The following MACO1 variants were observed in gnomAD, a reference collection of about 807,000 sequenced individuals.
MACO1 encodes macoilin 1.
In MACO1, 14 loss-of-function variants were observed where a neutral mutation model predicts 78.7. The observed-to-expected ratio is 0.18, with a 90% CI of 0.12 to 0.28. The LOEUF (loss-of-function observed/expected upper bound fraction) is 0.28, where lower values mean the gene tolerates loss of function less well. MACO1 is among the 10% of genes least tolerant of loss of function. The probability of loss-of-function intolerance (pLI) is 1.00; values close to 1 mark genes in which losing one functional copy is unlikely to be tolerated. For synonymous variants in MACO1, 288 were observed against 291.6 expected (o/e 0.99, Z 0.12); for missense variants, 501 against 799.0 (o/e 0.63, Z 4.50).
intron 6 of MACO1, among the ~76,000 whole-genome samples, chr1:25,459,211 C>G (rs188894969): frequency 1.8e-4 from 27 of 152,106 alleles, no homozygotes; most frequent in African/African-American, 6.3e-4. Context: ...CCAGAGTTCT[C>G]TTGGCGTAAA....
intron 1 of MACO1, among the ~76,000 whole-genome samples, chr1:25,441,370 A>T (rs1258328872): frequency 6.6e-6 from 1 of 152,096 alleles, no homozygotes; most frequent in African/African-American, 2.4e-5. Flanking sequence ...TTTTTAGTAG[A>T]GACGGGGTTT....
chr1:25,467,802 G>GT (rs1199591374), intron 6 of MACO1, among the ~76,000 whole-genome samples: 1 of 146,020 alleles, frequency 6.8e-6, no homozygotes, highest in Non-Finnish European at 1.5e-5. Flanking sequence ...GAACTCTGTT[G>GT]TTTTTCATTT....
chr1:25,491,885 T>G (rs2043489299), intron 10 of MACO1, among the ~76,000 whole-genome samples: 1 of 152,178 alleles, frequency 6.6e-6, no homozygotes, highest in South Asian at 2.1e-4. Context: ...TGCTTAGGTA[T>G]AAGTATATAC....
At chr1:25,444,239 A>T (rs2042996361) in intron 1 of MACO1, among the ~76,000 whole-genome samples, 1 of 151,944 alleles carries the variant, frequency 6.6e-6, no homozygotes, top group South Asian at 2.1e-4. Flanking sequence ...AGCCTGGGTG[A>T]TAGAGTGAAA....
intron 6 of MACO1, among the ~76,000 whole-genome samples, chr1:25,476,633 C>T (rs2043323627): frequency 6.6e-6 from 1 of 152,192 alleles, no homozygotes; most frequent in African/African-American, 2.4e-5. Context: ...GAGGACAGAG[C>T]TTTGATTTAT....
intron 6 of MACO1, among the ~76,000 whole-genome samples, chr1:25,475,030 T>C (rs1408708948): frequency 6.6e-6 from 1 of 152,118 alleles, no homozygotes; most frequent in Non-Finnish European, 1.5e-5. Flanking sequence ...GAATAGGAAG[T>C]AGTTGAGGTA....
At chr1:25,490,344 C>T (rs1254186281) in intron 9 of MACO1, among the ~76,000 whole-genome samples, 3 of 152,090 alleles carry the variant, frequency 2.0e-5, no homozygotes, top group African/African-American at 7.2e-5. Context: ...ATACAGGTGA[C>T]TGATAAGATC....
Position 25,431,039 on chromosome 1 carries a change from G to A in MACO1, c.-60G>A. 1 of 1,438,388 alleles carries A rather than the reference G, an allele frequency of 7.0e-7. No individual in the cohort carries two copies. The highest frequency in any genetic ancestry group is 2.7e-5 in the East Asian group (1 of 37,604). The allele number at this position is 1,438,388 out of a possible 1,614,324, so 89.1% of individuals were successfully genotyped here. A position where few individuals can be genotyped will look rare whatever the true frequency, so the allele number is the denominator to read the frequency against. On this transcript the variant is annotated 5_prime_UTR_variant, in exon 1 of 11. Transcript: ENST00000374343. ...CCCGACGCGGGGCGGGCCAGCGGCG[G>A]CGGCAGCTGAGGTGAGAGACGGCGG...
intron 2 of MACO1, among the ~76,000 whole-genome samples, chr1:25,448,151 A>G (rs1320097139): frequency 8.4e-6 from 1 of 119,392 alleles, no homozygotes; most frequent in East Asian, 2.1e-4. Flanking sequence ...GAGAGAGAAG[A>G]CTTTTCTGTA....
At chr1:25,472,353 A>G (rs1001440399) in intron 6 of MACO1, among the ~76,000 whole-genome samples, 2 of 151,910 alleles carry the variant, frequency 1.3e-5, no homozygotes, top group Admixed American at 6.6e-5. Context: ...TCCTAATGCT[A>G]TCCCGCCCCT....
intron 1 of MACO1, among the ~76,000 whole-genome samples, chr1:25,444,870 C>T (rs984989713): frequency 6.6e-6 from 1 of 152,060 alleles, no homozygotes; most frequent in Non-Finnish European, 1.5e-5. Flanking sequence ...CTGTGCCTGG[C>T]CCTCGTTTGT....
At chr1:25,488,984 A>G (rs1285381166) in intron 8 of MACO1, among the ~76,000 whole-genome samples, 189 bp from the exon 9 acceptor site, 1 of 150,594 alleles carries the variant, frequency 6.6e-6, no homozygotes, top group East Asian at 2.0e-4. Flanking sequence ...TGCCCAGCCA[A>G]TTTTTTTTGT....
intron 10 of MACO1, among the ~76,000 whole-genome samples, chr1:25,492,430 C>G (rs2043494446): frequency 6.6e-6 from 1 of 151,986 alleles, no homozygotes; most frequent in Non-Finnish European, 1.5e-5. Context: ...TGAGCAGAGA[C>G]CCAAAGGAAG....
Position 25,474,837 on chromosome 1 carries a change from C to T in MACO1, c.1155-9279C>T, listed in dbSNP as rs780188943. 9.8e-5 allele frequency among the ~76,000 whole-genome samples: 15 copies of T among 152,298 alleles called. No individual in the cohort carries two copies. In the South Asian group the frequency reaches 1.0e-3, roughly 11 times the overall value. On this transcript the variant is annotated intron_variant, in intron 6 of 10. Coordinates refer to ENST00000374343, the MANE Select transcript of MACO1 (RefSeq NM_018202.6). ...CAGGGTTGGCTTAGAATTTGAACTT[C>T]GCAGCACCATTTCTTGTAGCGTGTG...
intron 10 of MACO1, among the ~76,000 whole-genome samples, chr1:25,492,068 A>G (rs2043491109): frequency 6.6e-6 from 1 of 152,138 alleles, no homozygotes; most frequent in African/African-American, 2.4e-5. Flanking sequence ...CAGAAGAAAC[A>G]GCTTAGGCAA....
At chr1:25,451,166 G>T (rs887674213) in intron 3 of MACO1, among the ~76,000 whole-genome samples, 1 of 152,032 alleles carries the variant, frequency 6.6e-6, no homozygotes, top group Non-Finnish European at 1.5e-5. Context: ...TTAAACAAAC[G>T]AAACAAAAAA....
At chr1:25,433,603 T>C (rs1382231557) in intron 1 of MACO1, among the ~76,000 whole-genome samples, 1 of 152,212 alleles carries the variant, frequency 6.6e-6, no homozygotes, top group Non-Finnish European at 1.5e-5. Context: ...GTTCTCAGTC[T>C]GTACAACTTT....
At chr1:25,480,929 A>AAAATATATATATATATATAT (rs1553166539) in intron 6 of MACO1, among the ~76,000 whole-genome samples, 1 of 47,932 alleles carries the variant, frequency 2.1e-5, no homozygotes, top group Non-Finnish European at 3.4e-5. Context: ...AAAAAAAAAA[A>AAAATATATATATATATATAT]ATATATATAT....
intron 1 of MACO1, among the ~76,000 whole-genome samples, chr1:25,432,402 A>G (rs2042883557): frequency 1.3e-5 from 2 of 152,222 alleles, no homozygotes; most frequent in Admixed American, 6.5e-5. Flanking sequence ...TCTTGGGTAT[A>G]TTCTTATAAA....
Sources: gnomAD v4.1 joint callset for allele counts (sites outside exome capture counted in the v4.1 genomes callset) on GRCh38, gnomAD v4.1.1 for gene constraint, MANE v1.5 for transcripts, NCBI Gene and HGNC (gene_info 2026-07-23, HGNC 2026-07-21) for gene names.